The following MAGEB16 variants were observed in gnomAD, a reference collection of about 807,000 sequenced individuals.
MAGEB16 encodes the protein melanoma-associated antigen B16.
For missense variants in MAGEB16, 217 were observed against 234.0 expected, an observed-to-expected ratio of 0.93 and a Z score of 0.47; for synonymous variants, 95 against 92.1, an observed-to-expected ratio of 1.03 and a Z score of -0.18.
chrX:35,802,391 T>G, exon 2 of MAGEB16: 2 of 1,207,999 alleles, frequency 1.7e-6, no homozygotes, highest in Non-Finnish European at 2.2e-6. Context: ...TTGAGGTTCC[T>G]CAGAGTTTCT....
At chrX:35,801,833 G>A (rs1288250709) in intron 1 of MAGEB16, among the ~76,000 whole-genome samples, 1 of 112,578 alleles carries the variant, frequency 8.9e-6, no homozygotes, top group African/African-American at 3.2e-5. Flanking sequence ...CAAGTTACTG[G>A]CACTTCTGGC....
intron 1 of MAGEB16, among the ~76,000 whole-genome samples, chrX:35,800,823 A>G (rs1601847497): frequency 1.8e-5 from 2 of 111,834 alleles, no homozygotes; most frequent in East Asian, 5.6e-4. Flanking sequence ...TCACCCCAGA[A>G]AAGAGTAATC....
At chrX:35,800,698 A>C (rs1934855037) in intron 1 of MAGEB16, 2 of 470,734 alleles carry the variant, frequency 4.2e-6, no homozygotes, top group Non-Finnish European at 7.6e-6. Context: ...ATATCTACTT[A>C]TTTCCTGTTC....
At chrX:35,802,307 C>A (rs1391649293) in exon 2 of MAGEB16, 2 of 1,209,703 alleles carry the variant, frequency 1.7e-6, no homozygotes, top group Non-Finnish European at 2.2e-6. Context: ...TGGAGAAGAC[C>A]CTCCTCTCCT....
intron 1 of MAGEB16, among the ~76,000 whole-genome samples, chrX:35,799,305 A>G (rs770734449): frequency 2.7e-5 from 3 of 111,022 alleles, no homozygotes; most frequent in African/African-American, 9.8e-5. Context: ...TGGGTATCTC[A>G]TAGAGATGAA....
At chrX:35,800,627 G>A (rs748232421) in intron 1 of MAGEB16, 4 of 522,936 alleles carry the variant, frequency 7.6e-6, no homozygotes, top group South Asian at 5.0e-5. Flanking sequence ...AGGACAGAAC[G>A]TAGCCCTGCT....
intron 1 of MAGEB16, among the ~76,000 whole-genome samples, chrX:35,801,046 G>T (rs973220275): frequency 1.8e-5 from 2 of 111,659 alleles, no homozygotes; most frequent in Non-Finnish European, 3.8e-5. Context: ...GGGAGCACTG[G>T]GCAGGGATCA....
intron 1 of MAGEB16, chrX:35,801,502 G>C (rs1008983643): frequency 1.8e-5 from 2 of 112,147 alleles, no homozygotes; most frequent in African/African-American, 6.5e-5. Context: ...TATGGGTAAA[G>C]CTGTTAGGTG....
exon 2 of MAGEB16, chrX:35,802,960 T>C (rs1009696911): frequency 8.3e-7 from 1 of 1,210,240 alleles, no homozygotes. Flanking sequence ...AAAGATTTTG[T>C]GAAGGAGAAG....
chrX:35,800,419 C>T (rs766869336), intron 1 of MAGEB16: 22 of 501,596 alleles, frequency 4.4e-5, no homozygotes, highest in East Asian at 4.1e-4. Context: ...TAAGGGGTAC[C>T]GAGAGGTTAG....
At chrX:35,802,965 G>A (rs1217553815) in exon 2 of MAGEB16, 15 of 1,210,253 alleles carry the variant, frequency 1.2e-5, no homozygotes, top group Non-Finnish European at 1.6e-5. Context: ...TTTTGTGAAG[G>A]AGAAGTACCT....
intron 1 of MAGEB16, among the ~76,000 whole-genome samples, chrX:35,799,141 C>G (rs1351025797): frequency 3.7e-5 from 4 of 108,743 alleles, no homozygotes; most frequent in African/African-American, 6.7e-5. Flanking sequence ...CTCGGCCTTC[C>G]AAAGTGCTGG....
intron 1 of MAGEB16, among the ~76,000 whole-genome samples, chrX:35,799,970 C>T (rs974220728): frequency 3.6e-5 from 4 of 110,930 alleles, no homozygotes; most frequent in Non-Finnish European, 5.7e-5. Flanking sequence ...GGAAGATTCC[C>T]GGGTGCTTAA....
exon 2 of MAGEB16, chrX:35,802,264 A>G (rs1934868784): frequency 8.3e-7 from 1 of 1,211,451 alleles, no homozygotes; most frequent in Non-Finnish European, 1.1e-6. Flanking sequence ...AGTGAGACCC[A>G]GAGCCTGGAG....
intron 1 of MAGEB16, among the ~76,000 whole-genome samples, chrX:35,799,674 A>C (rs147316673): frequency 1.8e-5 from 2 of 111,869 alleles, no homozygotes; most frequent in East Asian, 5.7e-4. Flanking sequence ...ACCCAAACAG[A>C]GATAGCCAGA....
intron 1 of MAGEB16, chrX:35,801,238 TCACAGTGTACAGCCTTTGTTATTAA>T (rs1934859836): frequency 8.9e-6 from 1 of 112,354 alleles, no homozygotes; most frequent in African/African-American, 3.3e-5. Flanking sequence ...AAAGAAAGCT[TCACAGTGTACAGCCTTTGTTATTAA>T]CACTGTGAAT....
In MAGEB16 at chrX:35,802,392, C is replaced by T. The variant is rs770980435; in HGVS notation, c.196C>T (p.Gln66Ter). The stretch of plus-strand genomic sequence containing the variant: ...GGCAGAGAGTCCTCTTGAGGTTCCT[C>T]AGAGTTTCTGCTCCTCTTCCATTGC... The change falls in exon 2 of 2, where the codon CAG becomes TAG. Residue 66 changes from glutamine to a stop codon, truncating the protein, a stop_gained. Coordinates refer to ENST00000399988, the Ensembl canonical transcript of MAGEB16. LOFTEE classifies it low-confidence loss of function (END_TRUNC). 8.3e-7 allele frequency: 1 copy of T among 1,208,133 alleles called. No homozygotes were observed. The highest frequency in any genetic ancestry group is 1.1e-6 in the Non-Finnish European group (1 of 893,635).
At chrX:35,802,457 C>T (rs1437144040) in exon 2 of MAGEB16, 1 of 1,209,617 alleles carries the variant, frequency 8.3e-7, no homozygotes, top group South Asian at 1.8e-5. Context: ...ATGAGGCTTC[C>T]AGCAATCAAG....
exon 2 of MAGEB16, chrX:35,803,638 G>C (rs1306112479): frequency 8.8e-5 from 11 of 124,866 alleles, no homozygotes. Flanking sequence ...ATGCAGTTTA[G>C]TAGCAAAGGT....
Sources: gnomAD v4.1 joint callset for allele counts (sites outside exome capture counted in the v4.1 genomes callset) on GRCh38, gnomAD v4.1.1 for gene constraint, MANE v1.5 for transcripts, NCBI Gene and HGNC (gene_info 2026-07-23, HGNC 2026-07-21) for gene names.